SIAH3: variants seen among roughly 807,000 people sequenced by gnomAD.
The protein encoded by SIAH3 is siah E3 ubiquitin protein ligase family member 3, also known as seven in absentia homolog 3.
Under a neutral mutation model 12.6 loss-of-function variants are expected in SIAH3, and 9 were observed. The ratio of observed to expected loss-of-function variants is 0.72; its 90% confidence interval spans 0.43 to 1.25. The LOEUF (loss-of-function observed/expected upper bound fraction) is 1.25. SIAH3 is among the 50% of genes most tolerant of loss of function. The probability of loss-of-function intolerance (pLI) is 0.00; values close to 1 mark genes in which losing one functional copy is unlikely to be tolerated. For synonymous variants in SIAH3, 154 were observed against 151.1 expected, an observed-to-expected ratio of 1.02 and a Z score of -0.14; for missense variants, 390 against 365.4, an observed-to-expected ratio of 1.07 and a Z score of -0.55.
At chr13:45,830,623 C>CCTCT (rs1233375909) in intron 1 of SIAH3, among the ~76,000 whole-genome samples, 1 of 152,198 alleles carries the variant, frequency 6.6e-6, no homozygotes, top group African/African-American at 2.4e-5. Context: ...TGGTTAAAGC[C>CCTCT]CTCTTCACTG....
rs923239464 is a variant in SIAH3 at position 45,780,565 on chromosome 13, G to C, written c.*2818C>G. 3 of 152,092 alleles carry C rather than the reference G, an allele frequency of 2.0e-5. No homozygotes were observed. The highest frequency in any genetic ancestry group is 7.2e-5 in the African/African-American group (3 of 41,408). 9.4% of individuals were successfully genotyped at this position (152,092 alleles called of 1,614,324 possible). On this transcript the variant is annotated 3_prime_UTR_variant, in exon 2 of 2. Coordinates refer to ENST00000400405, the MANE Select transcript of SIAH3 (RefSeq NM_198849.3). ...TTATGGACGTGAGCCACCATCCCTG[G>C]CCTAGTTCTTAAAGCAGAGATGCTT...
At chr13:45,821,365 T>C (rs945549407) in intron 1 of SIAH3, among the ~76,000 whole-genome samples, 1 of 152,250 alleles carries the variant, frequency 6.6e-6, no homozygotes, top group Non-Finnish European at 1.5e-5. Context: ...AGACAATCAA[T>C]TCCTGTTATT....
At chr13:45,790,633 C>T (rs946948104) in intron 1 of SIAH3, among the ~76,000 whole-genome samples, 9 of 152,122 alleles carry the variant, frequency 5.9e-5, no homozygotes, top group African/African-American at 1.7e-4. Flanking sequence ...GTACAGTGCC[C>T]GACATGCAAT....
At chr13:45,826,369 A>ATGGTTGGGCAGG in intron 1 of SIAH3, among the ~76,000 whole-genome samples, 1 of 80,870 alleles carries the variant, frequency 1.2e-5, no homozygotes, top group Non-Finnish European at 2.7e-5. Flanking sequence ...GGATGGATGG[A>ATGGTTGGGCAGG]TGGATGAATG....
chr13:45,807,608 A>G (rs927891430), intron 1 of SIAH3, among the ~76,000 whole-genome samples: 3 of 152,226 alleles, frequency 2.0e-5, no homozygotes, highest in African/African-American at 7.2e-5. Flanking sequence ...CTAGAGAGGC[A>G]TAGAAGCAAG....
intron 1 of SIAH3, among the ~76,000 whole-genome samples, chr13:45,819,512 G>A (rs577548806): frequency 3.9e-5 from 6 of 152,102 alleles, no homozygotes; most frequent in South Asian, 4.2e-4. Flanking sequence ...GCAAATTAGG[G>A]AAAAAAACAG....
At chr13:45,815,406 G>A (rs750346936) in intron 1 of SIAH3, among the ~76,000 whole-genome samples, 1 of 151,986 alleles carries the variant, frequency 6.6e-6, no homozygotes, top group Non-Finnish European at 1.5e-5. Context: ...ACTGTCTTTG[G>A]GCTCCGGCTA....
chr13:45,779,056 G>A lies in SIAH3; in HGVS notation c.*4327C>T, dbSNP rs1315575120. 3 of 152,150 alleles carry A rather than the reference G, an allele frequency of 2.0e-5. No individual in the cohort carries two copies. The highest frequency in any genetic ancestry group is 4.4e-5 in the Non-Finnish European group (3 of 68,028). 9.4% of individuals were successfully genotyped at this position (152,150 alleles called of 1,614,324 possible). ...TAGCATTTGCTAATTTCCATGGTAT[G>A]AATACTTCCACCATGGCTAATTTCA... On this transcript the variant is annotated 3_prime_UTR_variant, in exon 2 of 2. Transcript: ENST00000400405.
intron 1 of SIAH3, among the ~76,000 whole-genome samples, chr13:45,816,997 T>A (rs1316948009): frequency 6.6e-6 from 1 of 152,240 alleles, no homozygotes; most frequent in Non-Finnish European, 1.5e-5. Context: ...CCTTACTAGC[T>A]AATGCCTTAA....
intron 1 of SIAH3, among the ~76,000 whole-genome samples, chr13:45,790,806 C>A (rs986340779): frequency 8.0e-4 from 122 of 152,338 alleles, no homozygotes; most frequent in African/African-American, 2.9e-3. Context: ...AATGCTGCCT[C>A]CCTACCTGAC....
intron 1 of SIAH3, among the ~76,000 whole-genome samples, chr13:45,808,557 C>A (rs540306105): frequency 6.6e-6 from 1 of 152,190 alleles, no homozygotes; most frequent in African/African-American, 2.4e-5. Flanking sequence ...GCTACAGATA[C>A]AAGAGTTCAA....
intron 1 of SIAH3, among the ~76,000 whole-genome samples, chr13:45,794,096 C>CTTTT (rs11311084): frequency 0.021 from 3,041 of 146,500 alleles, 105 homozygotes; most frequent in African/African-American, 0.071. Flanking sequence ...CCTCCTGACA[C>CTTTT]TTTTTTTTTT....
rs143561870 is a variant in SIAH3, at chr13:45,826,397, A to T, written c.135+25098T>A. Among the ~76,000 whole-genome samples the T allele has an allele frequency of 4.2e-4, 28 of 66,038 alleles. 4 individuals are homozygous for T. The highest frequency in any genetic ancestry group is 1.2e-3 in the African/African-American group (18 of 15,532). 43.3% of individuals were successfully genotyped at this position (66,038 alleles called of 152,430 possible). ...GATGAATGAATGGATGGATGGATGG[A>T]TGGATGGATGGATGGATGGATGGAT... On this transcript the variant is annotated intron_variant, in intron 1 of 1. Transcript: ENST00000400405.
chr13:45,827,692 C>T (rs987482616), intron 1 of SIAH3, among the ~76,000 whole-genome samples: 2 of 152,206 alleles, frequency 1.3e-5, no homozygotes, highest in African/African-American at 4.8e-5. Context: ...CATTCAATTC[C>T]TGGCTACATC....
chr13:45,833,112 A>G (rs942112787), intron 1 of SIAH3, among the ~76,000 whole-genome samples: 8 of 152,226 alleles, frequency 5.3e-5, no homozygotes, highest in Admixed American at 5.2e-4. Flanking sequence ...CCCATGAGGT[A>G]CCCATTATAG....
chr13:45,816,998 A>T (rs1331154498), intron 1 of SIAH3, among the ~76,000 whole-genome samples: 1 of 152,232 alleles, frequency 6.6e-6, no homozygotes. Flanking sequence ...CTTACTAGCT[A>T]ATGCCTTAAT....
At chr13:45,797,330 C>G (rs182217462) in intron 1 of SIAH3, among the ~76,000 whole-genome samples, 18 of 152,274 alleles carry the variant, frequency 1.2e-4, no homozygotes, top group African/African-American at 4.3e-4. Context: ...CAGGATTGCT[C>G]CAGCCTGCAT....
chr13:45,851,425 G>T, intron 1 of SIAH3, 70 bp downstream of exon 1: 7 of 1,596,506 alleles, frequency 4.4e-6, no homozygotes, highest in Non-Finnish European at 6.0e-6. Flanking sequence ...GTTCGCCGGA[G>T]GGTCGCTGCC....
intron 1 of SIAH3, among the ~76,000 whole-genome samples, chr13:45,847,488 C>T (rs956055057): frequency 6.6e-6 from 1 of 152,188 alleles, no homozygotes; most frequent in African/African-American, 2.4e-5. Flanking sequence ...CATTTATCCA[C>T]ACAAGTTGGT....
Sources: allele counts gnomAD v4.1 joint callset (sites outside exome capture counted in the v4.1 genomes callset), GRCh38; gene constraint gnomAD v4.1.1; transcripts MANE v1.5; gene names NCBI Gene and HGNC (gene_info 2026-07-23, HGNC 2026-07-21).